Variants in FER observed in about 807,000 individuals in gnomAD.
The protein encoded by FER is tyrosine-protein kinase Fer.
FER carries 63 observed loss-of-function variants against 111.0 expected under a neutral mutation model. The observed-to-expected ratio is 0.57, with a 90% CI of 0.46 to 0.70. The LOEUF is 0.70. Among genes scored for constraint, FER ranks in the 30% least tolerant of loss-of-function variants. The probability of loss-of-function intolerance (pLI) is 0.00; values close to 1 mark genes in which losing one functional copy is unlikely to be tolerated. For synonymous variants in FER, 327 were observed against 313.9 expected (o/e 1.04, Z -0.44); for missense variants, 914 against 954.0 (o/e 0.96, Z 0.55).
intron 5 of FER, among the ~76,000 whole-genome samples, chr5:108,866,365 C>G (rs1764060629): frequency 6.6e-6 from 1 of 152,072 alleles, no homozygotes; most frequent in African/African-American, 2.4e-5. Context: ...TGTTCTCACC[C>G]ATAGGTGGGT....
chr5:108,873,941 C>G (rs549821895), intron 8 of FER, among the ~76,000 whole-genome samples: 1 of 152,220 alleles, frequency 6.6e-6, no homozygotes, highest in East Asian at 1.9e-4. Flanking sequence ...TTTCTCAATT[C>G]CTGTGCAGTG....
At chr5:109,011,453 T>C (rs1489073546) in intron 13 of FER, among the ~76,000 whole-genome samples, 1 of 152,232 alleles carries the variant, frequency 6.6e-6, no homozygotes, top group Non-Finnish European at 1.5e-5. Flanking sequence ...CTTGTCTCGC[T>C]CAGTTACCTT....
chr5:108,931,863 T>C (rs922395654), intron 10 of FER, among the ~76,000 whole-genome samples: 1 of 152,118 alleles, frequency 6.6e-6, no homozygotes, highest in Non-Finnish European at 1.5e-5. Context: ...TTCTTAGGTA[T>C]AAATTAACCA....
At chr5:109,131,512 T>C (rs1752354824) in intron 17 of FER, among the ~76,000 whole-genome samples, 1 of 152,170 alleles carries the variant, frequency 6.6e-6, no homozygotes, top group African/African-American at 2.4e-5. Context: ...GATAATTACC[T>C]TAAGCTTTCT....
chr5:109,107,967 A>G (rs1404766813), intron 17 of FER, among the ~76,000 whole-genome samples: 1 of 152,162 alleles, frequency 6.6e-6, no homozygotes, highest in Non-Finnish European at 1.5e-5. Context: ...TTAAATGTCT[A>G]TCCCAATTTT....
chr5:109,086,922 C>G (rs1228744850), intron 16 of FER, among the ~76,000 whole-genome samples: 1 of 149,580 alleles, frequency 6.7e-6, no homozygotes, highest in Non-Finnish European at 1.5e-5. Flanking sequence ...TGGTCATCTT[C>G]TCTGTGTGTC....
rs151270224 is a variant in FER at position 108,964,476 on chromosome 5, G to GT, written c.1656+5132dup. ...AAACAATTCGAAGAGCCGTAGAGGTGTTTACTGACTGTCTATTCTCCTTGT... is the reference window on the plus strand; with the variant it reads ...AAACAATTCGAAGAGCCGTAGAGGTGTTTTACTGACTGTCTATTCTCCTTGT... On this transcript the variant is annotated intron_variant, in intron 13 of 19. Transcript: ENST00000281092. Among the ~76,000 whole-genome samples, 1,135 of 152,236 alleles carry GT rather than the reference G, an allele frequency of 7.5e-3. 14 individuals are homozygous for GT. Among genetic ancestry groups the GT allele is most frequent in the African/African-American group, 0.026 (1,060 of 41,542 alleles).
chr5:108,831,634 T>TA (rs1320215003), intron 3 of FER, among the ~76,000 whole-genome samples: 15 of 152,170 alleles, frequency 9.9e-5, no homozygotes, highest in Non-Finnish European at 1.5e-5. Context: ...TATTATTTTT[T>TA]AAAAAACATA....
At position 109,192,593 on chromosome 5, in the gene FER, G is replaced by A. The variant is rs1305574293; in HGVS notation, c.*5018G>A. 1 of 152,190 alleles carries A rather than the reference G, an allele frequency of 6.6e-6. No homozygotes were observed. Among genetic ancestry groups the A allele is most frequent in the Middle Eastern group, 3.4e-3 (1 of 294 alleles). The allele number at this position is 152,190 out of a possible 1,614,324, so 9.4% of individuals were successfully genotyped here. On this transcript the variant is annotated 3_prime_UTR_variant, in exon 20 of 20. Coordinates refer to ENST00000281092, the MANE Select transcript of FER (RefSeq NM_005246.4). ...CACTACCCAAAGCTTCTTTACATTT[G>A]CATTGGTTATATTTAATATTTCTTA...
At chr5:109,180,527 G>A (rs1481948686) in intron 17 of FER, among the ~76,000 whole-genome samples, 2 of 152,010 alleles carry the variant, frequency 1.3e-5, no homozygotes, top group Non-Finnish European at 2.9e-5. Context: ...AAATATATGT[G>A]GTACCTAGAA....
intron 13 of FER, among the ~76,000 whole-genome samples, chr5:109,024,752 C>T (rs1279460627): frequency 2.0e-5 from 3 of 152,156 alleles, no homozygotes; most frequent in Non-Finnish European, 4.4e-5. Context: ...CTGTGCCTTT[C>T]ACATCATGTT....
chr5:108,824,532 C>G (rs1167062739), intron 3 of FER, among the ~76,000 whole-genome samples: 1 of 151,860 alleles, frequency 6.6e-6, no homozygotes, highest in Non-Finnish European at 1.5e-5. Flanking sequence ...TAAATTTATT[C>G]CTATGTATCG....
At chr5:109,147,790 T>G (rs1582255160) in intron 17 of FER, among the ~76,000 whole-genome samples, 3 of 133,088 alleles carry the variant, frequency 2.3e-5, no homozygotes, top group Admixed American at 7.3e-5. Context: ...CATATATATA[T>G]ATATATATAT....
intron 17 of FER, among the ~76,000 whole-genome samples, chr5:109,169,638 C>A (rs1273485864): frequency 6.6e-6 from 1 of 152,124 alleles, no homozygotes; most frequent in Non-Finnish European, 1.5e-5. Context: ...AACTGTTTTC[C>A]ATTAACAGAA....
At chr5:108,917,143 T>C (rs761782098) in intron 10 of FER, among the ~76,000 whole-genome samples, 2 of 152,164 alleles carry the variant, frequency 1.3e-5, no homozygotes, top group Non-Finnish European at 2.9e-5. Context: ...ACAAAGATGA[T>C]ATGTAGATAC....
At chr5:108,993,646 C>T (rs537796253) in intron 13 of FER, among the ~76,000 whole-genome samples, 4 of 129,564 alleles carry the variant, frequency 3.1e-5, no homozygotes, top group African/African-American at 8.3e-5. Context: ...AGGGCGAGGG[C>T]GAGGGCGAGG....
chr5:108,918,633 C>T (rs1233892055), intron 10 of FER, among the ~76,000 whole-genome samples: 1 of 151,866 alleles, frequency 6.6e-6, no homozygotes, highest in East Asian at 1.9e-4. Flanking sequence ...ACTACAGGCC[C>T]CCGCCACCAC....
At chr5:109,083,169 T>C (rs1158385926) in intron 16 of FER, among the ~76,000 whole-genome samples, 1 of 152,078 alleles carries the variant, frequency 6.6e-6, no homozygotes, top group Non-Finnish European at 1.5e-5. Context: ...AATCAAGTTC[T>C]TACTTCACTT....
intron 1 of FER, among the ~76,000 whole-genome samples, chr5:108,756,427 A>G (rs1285039408): frequency 6.6e-6 from 1 of 151,848 alleles, no homozygotes; most frequent in Non-Finnish European, 1.5e-5. Context: ...TCACTATCGC[A>G]TTTCCTGACC....
Sources: allele counts gnomAD v4.1 joint callset (sites outside exome capture counted in the v4.1 genomes callset), GRCh38; gene constraint gnomAD v4.1.1; transcripts MANE v1.5; gene names NCBI Gene and HGNC (gene_info 2026-07-23, HGNC 2026-07-21).